Variants in PSME4 observed in about 807,000 individuals in gnomAD.
The protein encoded by PSME4 is proteasome activator complex subunit 4.
Under a neutral mutation model 253.9 loss-of-function variants are expected in PSME4, and 89 were observed. That is an observed-to-expected ratio of 0.35 (90% CI 0.30 to 0.42). The LOEUF is 0.42. Among genes scored for constraint, PSME4 ranks in the 10% least tolerant of loss-of-function variants. The pLI is 1.00. For missense variants in PSME4, 2,014 were observed against 2,195.2 expected (o/e 0.92, Z 1.65); for synonymous variants, 851 against 759.2 (o/e 1.12, Z -1.99).
At chr2:53,946,623 T>C (rs943745549) in intron 3 of PSME4, among the ~76,000 whole-genome samples, 3 of 152,248 alleles carry the variant, frequency 2.0e-5, no homozygotes, top group African/African-American at 7.2e-5. Flanking sequence ...GGGCCAGGTG[T>C]AGTGGCCCAT....
intron 3 of PSME4, among the ~76,000 whole-genome samples, chr2:53,947,654 T>A (rs1669783150): frequency 6.6e-6 from 1 of 151,730 alleles, no homozygotes; most frequent in Non-Finnish European, 1.5e-5. Flanking sequence ...TGCAGTGAGC[T>A]GAGATCGCAC....
intron 3 of PSME4, chr2:53,942,297 G>C (rs1219730943): frequency 2.6e-5 from 4 of 151,776 alleles, no homozygotes; most frequent in Admixed American, 2.0e-4. Flanking sequence ...TAGAGGGAGT[G>C]AATAATCACT....
chr2:53,867,501 GGA>G lies in PSME4; in HGVS notation c.5264-623_5264-622del, dbSNP rs762392279. 7.1e-5 allele frequency among the ~76,000 whole-genome samples: 8 copies of G among 113,428 alleles called. 1 individual carries two copies. The highest frequency in any genetic ancestry group is 4.8e-4 in the East Asian group (1 of 2,070). 74.4% of individuals were successfully genotyped at this position (113,428 alleles called of 152,430 possible). On this transcript the variant is annotated intron_variant, in intron 44 of 46. Coordinates refer to ENST00000404125, the MANE Select transcript of PSME4 (RefSeq NM_014614.3). ...GATACAGAGTGAGGCTCCGTCTCAAGGAAAAAAAAAAAAAAAAAAAAGCTAGG... is the reference window on the plus strand; with the variant it reads ...GATACAGAGTGAGGCTCCGTCTCAAGAAAAAAAAAAAAAAAAAAAGCTAGG...
chr2:53,881,934 T>C (rs1679408385), intron 41 of PSME4, among the ~76,000 whole-genome samples: 1 of 152,134 alleles, frequency 6.6e-6, no homozygotes, highest in African/African-American at 2.4e-5. Flanking sequence ...GCCAGGACTT[T>C]GTAAGCTATT....
chr2:53,883,651 T>C (rs139021399), intron 41 of PSME4, among the ~76,000 whole-genome samples: 45 of 152,324 alleles, frequency 3.0e-4, no homozygotes, highest in African/African-American at 8.7e-4. Flanking sequence ...TTAGTTCATA[T>C]AAAGTAAGTT....
At chr2:53,926,377 C>T (rs1000425880) in intron 12 of PSME4, among the ~76,000 whole-genome samples, 2 of 150,826 alleles carry the variant, frequency 1.3e-5, no homozygotes, top group Non-Finnish European at 2.9e-5. Context: ...ATGCTCGCGA[C>T]TGGGCACGGT....
In PSME4 at chr2:53,896,902, G is replaced by A. The variant is rs1201394960; in HGVS notation, c.3607-17C>T. On this transcript the variant is annotated splice_polypyrimidine_tract_variant and intron_variant, in intron 31 of 46. Transcript: ENST00000404125. Reference sequence around the variant, plus strand: ...GATAGCCATCTAGAAAAGGAAAAAGGTACACATTCATAAAAAAAAGTTTAA... The same window carrying A: ...GATAGCCATCTAGAAAAGGAAAAAGATACACATTCATAAAAAAAAGTTTAA... The A allele has an allele frequency of 5.7e-6, 9 of 1,580,254 alleles. No homozygotes were observed. The highest frequency in any genetic ancestry group is 7.8e-6 in the Non-Finnish European group (9 of 1,150,654).
rs774369979 is a variant in PSME4 at position 53,895,729 on chromosome 2, G to A, written c.3696C>T (p.Cys1232=). 3.8e-6 allele frequency: 6 copies of A among 1,593,448 alleles called. No individual in the cohort carries two copies. The East Asian group carries it at 9.0e-5, about 24-fold the overall frequency. Residue 1232 remains cysteine (C), a synonymous_variant, in exon 33 of 47, where the codon TGC becomes TGT. Transcript: ENST00000404125. ...LTINPCEISG[C]PKPTQIIAGD... ...CAGCAATAATTTGGGTGGGTTTAGG[G>A]CATCCACCTAAGGAAAAGACAATCA...
In PSME4 at chr2:53,893,500, A is replaced by G. The variant is rs1680004235; in HGVS notation, c.4038+174T>C. 2.6e-5 allele frequency among the ~76,000 whole-genome samples: 4 copies of G among 152,186 alleles called. No individual in the cohort carries two copies. The South Asian group carries it at 6.2e-4, about 24-fold the overall frequency. Reference sequence around the variant, plus strand: ...TAATGCTATGTCAATACTGGTTGTAATGTCTTGTTTAGGGAATAACGACAA... The same window carrying G: ...TAATGCTATGTCAATACTGGTTGTAGTGTCTTGTTTAGGGAATAACGACAA... On this transcript the variant is annotated intron_variant, in intron 35 of 46. Transcript: ENST00000404125.
At chr2:53,900,136 G>T (rs1476444672) in intron 28 of PSME4, 119 bp from the exon 29 acceptor site, 5 of 935,180 alleles carry the variant, frequency 5.3e-6, no homozygotes, top group Non-Finnish European at 7.8e-6. Context: ...CATATTTTAC[G>T]ATTCCATTTA....
chr2:53,946,732 G>A (rs1349117576), intron 3 of PSME4, among the ~76,000 whole-genome samples: 1 of 152,026 alleles, frequency 6.6e-6, no homozygotes, highest in African/African-American at 2.4e-5. Flanking sequence ...CCTGTGTAGA[G>A]ACCCTGTCTC....
intron 26 of PSME4, among the ~76,000 whole-genome samples, chr2:53,905,196 A>C (rs1181369754): frequency 6.6e-6 from 1 of 151,106 alleles, no homozygotes; most frequent in Non-Finnish European, 1.5e-5. Context: ...CGCCTGGCTA[A>C]TTTTTGTATT....
In PSME4 at chr2:53,906,684, G is replaced by C. The variant is rs749625568; in HGVS notation, c.2857C>G (p.Leu953Val). 2 of 1,600,036 alleles carry C rather than the reference G, an allele frequency of 1.2e-6. No homozygotes were observed. The highest frequency in any genetic ancestry group is 4.5e-5 in the East Asian group (2 of 44,772). The part of the protein sequence containing the change: ...RVMLQHELRT[L>V]TVEGCEYKKI... The stretch of plus-strand genomic sequence containing the variant: ...TTGTATTCACAACCCTCAACAGTTA[G>C]TGTCCGTAGCTAAGAAAACAATCGC... Residue 953 changes from leucine to valine, a missense_variant, in exon 26 of 47, where the codon CTA (leucine) becomes GTA (valine). Leu to Val is a conservative substitution (Grantham distance 32, BLOSUM62 1). Coordinates refer to ENST00000404125, the MANE Select transcript of PSME4 (RefSeq NM_014614.3).
chr2:53,943,561 C>G (rs573721843), intron 3 of PSME4, among the ~76,000 whole-genome samples: 2 of 152,262 alleles, frequency 1.3e-5, no homozygotes, highest in East Asian at 1.9e-4. Context: ...TATAAATACG[C>G]CAGGTGCAGT....
chr2:53,899,314 C>T (rs1225212744), intron 29 of PSME4, among the ~76,000 whole-genome samples: 3 of 151,940 alleles, frequency 2.0e-5, no homozygotes, highest in Admixed American at 6.6e-5. Flanking sequence ...GATCTTCCCA[C>T]CTCAGCCTCC....
chr2:53,881,220 A>T (rs764668005), intron 41 of PSME4, among the ~76,000 whole-genome samples: 2 of 152,224 alleles, frequency 1.3e-5, no homozygotes, highest in African/African-American at 4.8e-5. Context: ...TGAAAAAAAT[A>T]GTTTTTCTAA....
At chr2:53,937,054 A>G (rs901345555) in intron 5 of PSME4, among the ~76,000 whole-genome samples, 4 of 152,142 alleles carry the variant, frequency 2.6e-5, no homozygotes, top group Non-Finnish European at 5.9e-5. Flanking sequence ...CTTCTGCTTC[A>G]TTACTAAGTA....
chr2:53,950,609 ACGTG>A (rs1669928642), intron 1 of PSME4, among the ~76,000 whole-genome samples: 2 of 152,130 alleles, frequency 1.3e-5, no homozygotes, highest in African/African-American at 4.8e-5. Context: ...TGGGAGGCCG[ACGTG>A]GGTGGATTAC....
At chr2:53,893,538 C>T (rs1680007707) in intron 35 of PSME4, 136 bp downstream of exon 35, 3 of 1,489,090 alleles carry the variant, frequency 2.0e-6, no homozygotes, top group African/African-American at 2.8e-5. Context: ...AAAGTCTGTA[C>T]ATGTTCAGTG....
Sources: allele counts gnomAD v4.1 joint callset (sites outside exome capture counted in the v4.1 genomes callset), GRCh38; gene constraint gnomAD v4.1.1; transcripts MANE v1.5; gene names NCBI Gene and HGNC (gene_info 2026-07-23, HGNC 2026-07-21).